The following FAM13A variants were observed in gnomAD, a reference collection of about 807,000 sequenced individuals.
FAM13A encodes the protein family with sequence similarity 13 member A, also known as protein FAM13A.
Under a neutral mutation model 129.6 loss-of-function variants are expected in FAM13A, and 76 were observed. The observed-to-expected ratio is 0.59, with a 90% CI of 0.49 to 0.71. FAM13A has a LOEUF of 0.71. FAM13A is among the 30% of genes least tolerant of loss of function. The pLI is 0.00. For synonymous variants in FAM13A, 443 were observed against 449.9 expected (o/e 0.98, Z 0.20); for missense variants, 1,108 against 1,249.3 (o/e 0.89, Z 1.70).
chr4:88,828,436 C>T (rs1387178123), intron 7 of FAM13A, among the ~76,000 whole-genome samples: 1 of 152,174 alleles, frequency 6.6e-6, no homozygotes, highest in Non-Finnish European at 1.5e-5. Context: ...CTATGTTTGG[C>T]CAAAGAAATC....
intron 3 of FAM13A, among the ~76,000 whole-genome samples, chr4:89,017,505 T>C (rs1474630270): frequency 6.6e-6 from 1 of 152,114 alleles, no homozygotes; most frequent in African/African-American, 2.4e-5. Context: ...TACATACTCA[T>C]ATCAAATGAA....
At chr4:88,735,528 G>A (rs1738807945) in intron 21 of FAM13A, among the ~76,000 whole-genome samples, 1 of 152,076 alleles carries the variant, frequency 6.6e-6, no homozygotes. Flanking sequence ...ATGATCTCTA[G>A]GTTTCTTTGG....
At chr4:88,924,683 C>T (rs866600981) in intron 5 of FAM13A, among the ~76,000 whole-genome samples, 1 of 152,112 alleles carries the variant, frequency 6.6e-6, no homozygotes, top group South Asian at 2.1e-4. Context: ...GCAATAGCAA[C>T]AAAAGCCAAA....
At position 88,769,021 on chromosome 4, in the gene FAM13A, A is replaced by C. The variant is rs546022000; in HGVS notation, c.1459-962T>G. On this transcript the variant is annotated intron_variant, in intron 11 of 23. Transcript: ENST00000264344. Reference sequence around the variant, plus strand: ...TTTGGACCTGAATTTTGTTGAACTCAGATTTATATCTGCATTAAAAGGATA... The same window carrying C: ...TTTGGACCTGAATTTTGTTGAACTCCGATTTATATCTGCATTAAAAGGATA... 9.8e-5 allele frequency among the ~76,000 whole-genome samples: 15 copies of C among 152,364 alleles called. No individual in the cohort carries two copies. The South Asian group carries it at 1.7e-3, about 17-fold the overall frequency.
chr4:88,806,358 T>C (rs1172755584), intron 7 of FAM13A, among the ~76,000 whole-genome samples: 1 of 152,146 alleles, frequency 6.6e-6, no homozygotes, highest in African/African-American at 2.4e-5. Flanking sequence ...CAGCATTCTC[T>C]TTCTCTCTCT....
At chr4:89,037,149 T>C (rs1553928868) in intron 1 of FAM13A, among the ~76,000 whole-genome samples, 1 of 152,194 alleles carries the variant, frequency 6.6e-6, no homozygotes, top group Non-Finnish European at 1.5e-5. Flanking sequence ...CACTGACAGC[T>C]TGCATCATGT....
chr4:89,037,516 T>C (rs1769542158), intron 1 of FAM13A, among the ~76,000 whole-genome samples: 1 of 152,234 alleles, frequency 6.6e-6, no homozygotes, highest in Non-Finnish European at 1.5e-5. Flanking sequence ...ACTTGCCTTG[T>C]CTCAGATGTG....
chr4:89,037,835 T>C (rs953228434), intron 1 of FAM13A, among the ~76,000 whole-genome samples: 26 of 152,172 alleles, frequency 1.7e-4, no homozygotes, highest in Non-Finnish European at 8.8e-5. Context: ...CCTCCTCTTC[T>C]GGCCATGTAA....
intron 7 of FAM13A, among the ~76,000 whole-genome samples, chr4:88,814,939 G>A (rs1280646717): frequency 6.6e-6 from 1 of 151,874 alleles, no homozygotes; most frequent in African/African-American, 2.4e-5. Context: ...CAAACTCCTG[G>A]GCTAGAGTGA....
chr4:88,975,033 A>G (rs1047121792), intron 4 of FAM13A, among the ~76,000 whole-genome samples: 2 of 152,218 alleles, frequency 1.3e-5, no homozygotes, highest in Non-Finnish European at 2.9e-5. Context: ...ATGTACTCAA[A>G]AAATATTTGG....
rs544669996 is a variant in FAM13A at position 88,735,434 on chromosome 4, G to A, written c.2646+2038C>T. 6.6e-5 allele frequency among the ~76,000 whole-genome samples: 10 copies of A among 152,148 alleles called. No individual in the cohort carries two copies. In the East Asian group the frequency reaches 1.9e-3, roughly 29 times the overall value. ...CTGTAAACTTTTTAAGCTTGAGGATGGAATCTCTCTGTAGGGACAATGTCT... is the reference window on the plus strand; with the variant it reads ...CTGTAAACTTTTTAAGCTTGAGGATAGAATCTCTCTGTAGGGACAATGTCT... On this transcript the variant is annotated intron_variant, in intron 21 of 23. Transcript: ENST00000264344.
intron 6 of FAM13A, among the ~76,000 whole-genome samples, chr4:88,887,326 A>G (rs1258579502): frequency 6.6e-6 from 1 of 152,190 alleles, no homozygotes; most frequent in Non-Finnish European, 1.5e-5. Context: ...GAAAAATCCA[A>G]TTGAAGACAA....
intron 1 of FAM13A, among the ~76,000 whole-genome samples, chr4:89,032,201 C>T (rs188551317): frequency 7.9e-5 from 12 of 151,824 alleles, no homozygotes; most frequent in South Asian, 4.2e-4. Context: ...GCCGAGATCA[C>T]GCCACTGCAC....
At chr4:88,750,759 C>T (rs1369936585) in intron 14 of FAM13A, 122 bp from the exon 15 acceptor site, 4 of 689,160 alleles carry the variant, frequency 5.8e-6, no homozygotes, top group Admixed American at 2.6e-5. Flanking sequence ...AATCGTTTCT[C>T]ATTTTACAGC....
intron 4 of FAM13A, among the ~76,000 whole-genome samples, chr4:88,988,322 G>A (rs564966746): frequency 1.3e-5 from 2 of 152,226 alleles, no homozygotes; most frequent in South Asian, 2.1e-4. Context: ...GCATTGGATC[G>A]TCTTCTGAGA....
intron 14 of FAM13A, among the ~76,000 whole-genome samples, 161 bp downstream of exon 14, chr4:88,758,593 T>C (rs1405916397): frequency 1.3e-5 from 2 of 152,186 alleles, no homozygotes; most frequent in Non-Finnish European, 1.5e-5. Flanking sequence ...CCCTGAGGTA[T>C]TCCTATGACA....
chr4:88,832,424 A>G (rs932830259), intron 7 of FAM13A, among the ~76,000 whole-genome samples: 35 of 152,366 alleles, frequency 2.3e-4, no homozygotes, highest in African/African-American at 7.5e-4. Flanking sequence ...GCACAGCAAA[A>G]GAAACTATCA....
intron 4 of FAM13A, among the ~76,000 whole-genome samples, chr4:88,983,090 GT>G (rs1168875297): frequency 6.6e-6 from 1 of 152,146 alleles, no homozygotes; most frequent in Non-Finnish European, 1.5e-5. Context: ...CTTGATGGCA[GT>G]TCAACTTCTG....
At chr4:88,823,566 C>A (rs1004230656) in intron 7 of FAM13A, among the ~76,000 whole-genome samples, 2 of 152,202 alleles carry the variant, frequency 1.3e-5, no homozygotes, top group African/African-American at 4.8e-5. Flanking sequence ...GCAAGGATTC[C>A]ATTTGTCAAG....
Sources: gnomAD v4.1 joint callset for allele counts (sites outside exome capture counted in the v4.1 genomes callset) on GRCh38, gnomAD v4.1.1 for gene constraint, MANE v1.5 for transcripts, NCBI Gene and HGNC (gene_info 2026-07-23, HGNC 2026-07-21) for gene names.